The following KRT25 variants were observed in gnomAD, a reference collection of about 807,000 sequenced individuals.
The protein encoded by KRT25 is keratin 25.
In KRT25, 37 loss-of-function variants were observed where a neutral mutation model predicts 47.6. The observed-to-expected ratio is 0.78, with a 90% CI of 0.60 to 1.02. The LOEUF is 1.02. Among genes scored for constraint, KRT25 ranks in the 50% least tolerant of loss-of-function variants. The probability of loss-of-function intolerance (pLI) is 0.00; values close to 1 mark genes in which losing one functional copy is unlikely to be tolerated. For missense variants in KRT25, 542 were observed against 550.3 expected, an observed-to-expected ratio of 0.98 and a Z score of 0.15; for synonymous variants, 203 against 210.2, an observed-to-expected ratio of 0.97 and a Z score of 0.30.
In KRT25 at chr17:40,751,807, T is replaced by A. The variant is rs564033082; in HGVS notation, c.670-481A>T. 2.6e-5 allele frequency among the ~76,000 whole-genome samples: 4 copies of A among 152,008 alleles called. No homozygotes were observed. In the South Asian group the frequency reaches 8.3e-4, roughly 32 times the overall value. ...CACAGCCATGAACATGGTTGAAGGG[T>A]TGAGTATGAATAATTCTGAACAATT... On this transcript the variant is annotated intron_variant, in intron 3 of 7. Transcript: ENST00000312150.
rs2038035519 is a variant in KRT25, at chr17:40,750,461, TC to T, written c.1093del (p.Glu365SerfsTer23). ...CTTGATGTCCAGGAGCTGCTCATAC[TC>T]CAGCTTCTGGCCCTCGGTCTCGGTT... Reference protein sequence around the residue: ...VRTETEGQKLEYEQLLDIKLH... With the variant: ...VRTETEGQKLXYEQLLDIKLH... On this transcript the variant is annotated frameshift_variant, in exon 6 of 8. Coordinates refer to ENST00000312150, the MANE Select transcript of KRT25 (RefSeq NM_181534.4). LOFTEE classifies it high-confidence loss of function. 1 of 1,613,918 alleles carries T rather than the reference TC, an allele frequency of 6.2e-7. No homozygotes were observed. Among genetic ancestry groups the T allele is most frequent in the Non-Finnish European group, 8.5e-7 (1 of 1,179,922 alleles).
In KRT25 at chr17:40,754,541, A is replaced by C. The variant is rs112958230; in HGVS notation, c.430-73T>G. The C allele has an allele frequency of 2.0e-5, 27 of 1,352,302 alleles. No individual in the cohort carries two copies. The African/African-American group carries it at 2.3e-4, about 11-fold the overall frequency. The allele number at this position is 1,352,302 out of a possible 1,614,324, so 83.8% of individuals were successfully genotyped here. On this transcript the variant is annotated intron_variant, in intron 1 of 7. Transcript: ENST00000312150. ...TACTTAATGCTTATTTCTAATGCTA[A>C]ATTGGAATTCTCTTTAAGAAATCAC...
At chr17:40,753,825 G>A (rs375239629) in intron 3 of KRT25, 35 bp downstream of exon 3, 74 of 1,601,240 alleles carry the variant, frequency 4.6e-5, no homozygotes, top group Admixed American at 6.7e-5. Context: ...CAGTGTCTGC[G>A]GAGGGATAGC....
In KRT25 at chr17:40,751,289, A is replaced by G. The variant is rs766130944; in HGVS notation, c.707T>C (p.Val236Ala). 1 of 1,613,922 alleles carries G rather than the reference A, an allele frequency of 6.2e-7. No individual in the cohort carries two copies. The highest frequency in any genetic ancestry group is 2.2e-5 in the East Asian group (1 of 44,888). ...GGGGGCTGCGTTCATCTCCACGTTC[A>G]CGTTGCCTCCAGCTGCGCACTGCAG... Reference protein sequence around the residue: ...QVLQCAAGGNVNVEMNAAPGV... With the variant: ...QVLQCAAGGNANVEMNAAPGV... Residue 236 changes from valine to alanine, a missense_variant, in exon 4 of 8, where the codon GTG becomes GCG. Transcript: ENST00000312150.
rs201014787 is a variant in KRT25 at position 40,751,188 on chromosome 17, C to T, written c.808G>A (p.Ala270Thr). ...EALAEQNRRD[A>T]EAWFNEKSAS... Reference sequence around the variant, plus strand: ...ACCTTCTCGTTGAACCAGGCCTCCGCGTCCCTGCGGTTCTGCTCTGCAAGG... The same window carrying T: ...ACCTTCTCGTTGAACCAGGCCTCCGTGTCCCTGCGGTTCTGCTCTGCAAGG... The change falls in exon 4 of 8, where the codon GCG becomes ACG. Residue 270 changes from alanine to threonine, a missense_variant. Ala to Thr is a moderately conservative substitution (Grantham distance 58). Coordinates refer to ENST00000312150, the MANE Select transcript of KRT25 (RefSeq NM_181534.4). 2.5e-6 allele frequency: 4 copies of T among 1,614,130 alleles called. No individual in the cohort carries two copies. The African/African-American group carries it at 4.0e-5, about 16-fold the overall frequency.
intron 3 of KRT25, 91 bp from the exon 4 acceptor site, chr17:40,751,417 G>A: frequency 3.6e-6 from 5 of 1,394,704 alleles, no homozygotes; most frequent in Non-Finnish European, 3.8e-6. Context: ...GAGTTCGTCT[G>A]GTTTTCCCCT....
chr17:40,753,590 A>G (rs1413525546), intron 3 of KRT25, among the ~76,000 whole-genome samples: 2 of 146,242 alleles, frequency 1.4e-5, no homozygotes, highest in Non-Finnish European at 3.0e-5. Flanking sequence ...AGGCTGAGGC[A>G]GGAGAATGCC....
rs761674930 is a variant in KRT25 at position 40,755,129 on chromosome 17, G to A, written c.143C>T (p.Ala48Val). ...ISGIGSGFSS[A>V]FGGSSSGGNT... Reference sequence around the variant, plus strand: ...TCCTCCCGATGAGCTGCCTCCGAAGGCACTAGAGAAGCCACTTCCAATCCC... The same window carrying A: ...TCCTCCCGATGAGCTGCCTCCGAAGACACTAGAGAAGCCACTTCCAATCCC... Residue 48 changes from alanine to valine, a missense_variant, in exon 1 of 8, where the codon GCC becomes GTC. Coordinates refer to ENST00000312150, the MANE Select transcript of KRT25 (RefSeq NM_181534.4). 3 of 1,614,120 alleles carry A rather than the reference G, an allele frequency of 1.9e-6. No homozygotes were observed. The highest frequency in any genetic ancestry group is 2.2e-5 in the East Asian group (1 of 44,892).
intron 6 of KRT25, among the ~76,000 whole-genome samples, chr17:40,749,827 C>T (rs2038029725): frequency 1.3e-5 from 2 of 151,512 alleles, no homozygotes; most frequent in Non-Finnish European, 2.9e-5. Flanking sequence ...TGTTTTTGTT[C>T]TGCTTCAGCA....
At chr17:40,751,877 TGCGTGC>T (rs2038052255) in intron 3 of KRT25, among the ~76,000 whole-genome samples, 2 of 87,314 alleles carry the variant, frequency 2.3e-5, no homozygotes, top group Admixed American at 1.2e-4. Context: ...TGTGTGTGTG[TGCGTGC>T]GTGTGTGTGT....
At chr17:40,749,388 A>G in intron 6 of KRT25, 63 bp from the exon 7 acceptor site, 1 of 1,214,846 alleles carries the variant, frequency 8.2e-7, no homozygotes, top group Non-Finnish European at 1.2e-6. Flanking sequence ...GGATCACCAT[A>G]TGGTTTTCTT....
upstream of KRT25, chr17:40,755,451 A>AT: frequency 1.4e-5 from 8 of 585,004 alleles, no homozygotes; most frequent in East Asian, 2.9e-5. Flanking sequence ...TAATTGGGTG[A>AT]TTTTTTCTAA....
chr17:40,750,404 C>G lies in KRT25; in HGVS notation c.1151G>C (p.Cys384Ser), dbSNP rs1377989280. Residue 384 changes from cysteine to serine, a missense_variant, in exon 6 of 8, where the codon TGT becomes TCT. Physicochemically the swap from Cys to Ser is moderately radical, Grantham distance 112 (BLOSUM62 -1). Transcript: ENST00000312150. ...CCCATCATCTCCTCCTATAAGGAGA[C>G]AGTAGGTCTCAATTTCTTTTTCCAG... ...LHLEKEIETY[C>S]LLIGGDDGAC... 1.2e-6 allele frequency: 2 copies of G among 1,613,926 alleles called. No individual in the cohort carries two copies. Among genetic ancestry groups the G allele is most frequent in the South Asian group, 1.1e-5 (1 of 91,072 alleles).
In KRT25 at chr17:40,748,367, C is replaced by A; in HGVS notation, c.1263G>T (p.Val421=). Residue 421 remains valine, a synonymous_variant, in exon 8 of 8, where the codon GTG becomes GTT. Coordinates refer to ENST00000312150, the MANE Select transcript of KRT25 (RefSeq NM_181534.4). ...SQVKDPAKAI[V]VKKVLEEVDQ... ...CTACCTCCTCAAGAACTTTCTTAAC[C>A]ACTATGGCTTTGGCTGGGTCTGAGC... is the stretch of plus-strand genomic sequence containing the variant. 1 of 1,611,640 alleles carries A rather than the reference C, an allele frequency of 6.2e-7. No individual in the cohort carries two copies. Among genetic ancestry groups the A allele is most frequent in the Non-Finnish European group, 8.5e-7 (1 of 1,178,940 alleles).
At chr17:40,753,749 G>T in intron 3 of KRT25, 111 bp downstream of exon 3, 1 of 347,624 alleles carries the variant, frequency 2.9e-6, no homozygotes, top group Admixed American at 3.6e-5. Flanking sequence ...ATGTCTGTCT[G>T]ACAATGTGTC....
Position 40,748,247 on chromosome 17 carries a change from T to C in KRT25, c.*30A>G. The C allele has an allele frequency of 1.4e-6, 2 of 1,433,364 alleles. No individual in the cohort carries two copies. The highest frequency in any genetic ancestry group is 2.0e-6 in the Non-Finnish European group (2 of 1,023,066). The allele number at this position is 1,433,364 out of a possible 1,614,324, so 88.8% of individuals were successfully genotyped here. On this transcript the variant is annotated 3_prime_UTR_variant, in exon 8 of 8. Transcript: ENST00000312150. ...TAATGCCTTTTCTTCGCAGGGGCTATGTGGCATACGTTCTCTGTTGCATCT... is the reference window on the plus strand; with the variant it reads ...TAATGCCTTTTCTTCGCAGGGGCTACGTGGCATACGTTCTCTGTTGCATCT...
At position 40,753,946 on chromosome 17, in the gene KRT25, C is replaced by T; in HGVS notation, c.583G>A (p.Glu195Lys). The part of the protein sequence containing the change: ...DVNGLRRVLD[E>K]ITLCRTDLEI... Reference sequence around the variant, plus strand: ...AGATCTGTTCTGCACAGGGTTATTTCATCCAAAACTCTTCGTAACCCATTG... The same window carrying T: ...AGATCTGTTCTGCACAGGGTTATTTTATCCAAAACTCTTCGTAACCCATTG... The change falls in exon 3 of 8, where the codon GAA becomes AAA. Residue 195 changes from glutamate (E) to lysine (K), a missense_variant. By Grantham distance (56) the Glu-to-Lys change is moderately conservative (BLOSUM62 1). Transcript: ENST00000312150. 4 of 1,613,958 alleles carry T rather than the reference C, an allele frequency of 2.5e-6. No homozygotes were observed. The highest frequency in any genetic ancestry group is 3.4e-6 in the Non-Finnish European group (4 of 1,179,868).
chr17:40,753,310 T>C (rs1482145859), intron 3 of KRT25, among the ~76,000 whole-genome samples: 3 of 152,032 alleles, frequency 2.0e-5, no homozygotes, highest in Non-Finnish European at 4.4e-5. Context: ...ATAACCCTGA[T>C]TGGTCTGGAA....
chr17:40,751,282 C>T lies in KRT25; in HGVS notation c.714G>A (p.Val238=), dbSNP rs760527897. The T allele has an allele frequency of 6.2e-7, 1 of 1,613,988 alleles. No homozygotes were observed. The highest frequency in any genetic ancestry group is 1.1e-5 in the South Asian group (1 of 91,068). The change falls in exon 4 of 8, where the codon GTG becomes GTA. Residue 238 remains valine (V), a synonymous_variant. Coordinates refer to ENST00000312150, the MANE Select transcript of KRT25 (RefSeq NM_181534.4). ...LQCAAGGNVN[V]EMNAAPGVDL... The stretch of plus-strand genomic sequence containing the variant: ...CCACCCCGGGGGCTGCGTTCATCTC[C>T]ACGTTCACGTTGCCTCCAGCTGCGC...
Sources: allele counts gnomAD v4.1 joint callset (sites outside exome capture counted in the v4.1 genomes callset), GRCh38; gene constraint gnomAD v4.1.1; transcripts MANE v1.5; gene names NCBI Gene and HGNC (gene_info 2026-07-23, HGNC 2026-07-21).